Variants in FSHR observed in about 807,000 individuals in gnomAD.
The protein encoded by FSHR is follicle stimulating hormone receptor.
In FSHR, 46 loss-of-function variants were observed where a neutral mutation model predicts 52.1. That is an observed-to-expected ratio of 0.88 (90% CI 0.70 to 1.13). The LOEUF is 1.13. FSHR is among the 50% of genes most tolerant of loss of function. The pLI, the probability that FSHR is intolerant of heterozygous loss-of-function variation, is 0.00. For missense variants in FSHR, 964 were observed against 834.6 expected (o/e 1.16, Z -1.91); for synonymous variants, 399 against 309.6 (o/e 1.29, Z -3.03).
At chr2:49,082,123 G>T (rs956823482) in intron 1 of FSHR, among the ~76,000 whole-genome samples, 1 of 152,192 alleles carries the variant, frequency 6.6e-6, no homozygotes, top group Admixed American at 6.5e-5. Context: ...TTTGAAGAGA[G>T]CAGTGGTTCT....
At chr2:49,042,223 C>T (rs927676318) in intron 2 of FSHR, among the ~76,000 whole-genome samples, 1 of 152,158 alleles carries the variant, frequency 6.6e-6, no homozygotes, top group Non-Finnish European at 1.5e-5. Context: ...CTTTTGAAAA[C>T]TCACCTTCCA....
Position 48,995,660 on chromosome 2 carries a change from T to C in FSHR, c.375-5023A>G, listed in dbSNP as rs563284938. Among the ~76,000 whole-genome samples the C allele has an allele frequency of 9.1e-4, 139 of 152,136 alleles. 1 individual carries two copies. The highest frequency in any genetic ancestry group is 3.1e-3 in the African/African-American group (130 of 41,502). ...AAGGGGAAGCAAGAAGACTTGAGGG[T>C]TCCCTGAGCAGAGCTGGCCCATGTT... is the stretch of plus-strand genomic sequence containing the variant. On this transcript the variant is annotated intron_variant, in intron 4 of 9. Transcript: ENST00000406846.
Position 49,098,362 on chromosome 2 carries a change from G to A in FSHR, c.153-30072C>T, listed in dbSNP as rs555445954. Among the ~76,000 whole-genome samples the A allele has an allele frequency of 7.9e-5, 12 of 152,198 alleles. No homozygotes were observed. In the South Asian group the frequency reaches 2.5e-3, roughly 32 times the overall value. On this transcript the variant is annotated intron_variant, in intron 1 of 9. Transcript: ENST00000406846. ...AAGTAAAGATATAGAAAAACTGAAG[G>A]CTGGACACTTGATTCAATCTTAGAG... is the stretch of plus-strand genomic sequence containing the variant.
At position 49,143,866 on chromosome 2, in the gene FSHR, GACTGGAGGC is replaced by G. The variant is rs1672777477; in HGVS notation, c.152+10391_152+10399del. On this transcript the variant is annotated intron_variant, in intron 1 of 9. Transcript: ENST00000406846. ...CTGCACCATCCCTAAAACACTCAGG[GACTGGAGGC>G]ACTGGTATCTCTAGGAGTGGGGCAG... Among the ~76,000 whole-genome samples the G allele has an allele frequency of 6.6e-5, 10 of 152,222 alleles. No individual in the cohort carries two copies. The South Asian group carries it at 2.1e-3, about 32-fold the overall frequency.
chr2:48,997,889 G>A (rs1351500233), intron 4 of FSHR, among the ~76,000 whole-genome samples: 1 of 152,056 alleles, frequency 6.6e-6, no homozygotes, highest in African/African-American at 2.4e-5. Flanking sequence ...CTTGAGCTCT[G>A]CTGAGAACAT....
chr2:48,986,208 A>G (rs1675508925), intron 6 of FSHR, among the ~76,000 whole-genome samples: 1 of 152,148 alleles, frequency 6.6e-6, no homozygotes, highest in African/African-American at 2.4e-5. Flanking sequence ...CTCTTACAAG[A>G]GTGAACATAT....
intron 1 of FSHR, among the ~76,000 whole-genome samples, chr2:49,130,177 C>G (rs1000873814): frequency 3.9e-4 from 60 of 152,170 alleles, no homozygotes; most frequent in Non-Finnish European, 4.9e-4. Context: ...ATAGAGGGGT[C>G]TGCCCTGATG....
At chr2:49,063,271 G>A (rs907451092) in intron 2 of FSHR, among the ~76,000 whole-genome samples, 1 of 152,102 alleles carries the variant, frequency 6.6e-6, no homozygotes, top group Admixed American at 6.6e-5. Context: ...CTGAGTGTTT[G>A]CAGTAACAAA....
At position 48,963,830 on chromosome 2, in the gene FSHR, T is replaced by C. The variant is rs1280131486; in HGVS notation, c.991A>G (p.Thr331Ala). 6.2e-7 allele frequency: 1 copy of C among 1,614,128 alleles called. No individual in the cohort carries two copies. Among genetic ancestry groups the C allele is most frequent in the African/African-American group, 1.3e-5 (1 of 75,034 alleles). ...TTGCATAAGTCATAGTCAAACTCAG[T>C]GTACGTCATGTCAAATCCTCTGCTG... ...SYSRGFDMTY[T>A]EFDYDLCNEV... Residue 331 changes from threonine to alanine, a missense_variant, in exon 10 of 10, where the codon ACT becomes GCT. Thr to Ala is a moderately conservative substitution (Grantham distance 58). Transcript: ENST00000406846.
chr2:49,079,171 G>A (rs1021294248), intron 1 of FSHR, among the ~76,000 whole-genome samples: 2 of 151,542 alleles, frequency 1.3e-5, no homozygotes, highest in Non-Finnish European at 2.9e-5. Flanking sequence ...ATTAGTCTAA[G>A]AAAAAAACAG....
intron 2 of FSHR, among the ~76,000 whole-genome samples, chr2:49,052,606 A>T (rs932785338): frequency 6.6e-6 from 1 of 152,178 alleles, no homozygotes; most frequent in Admixed American, 6.5e-5. Flanking sequence ...GAACCACTCA[A>T]CGTCATTTCC....
chr2:48,962,785 G>A lies in FSHR; in HGVS notation c.2036C>T (p.Thr679Ile), dbSNP rs756221634. ...GACAAGTATGTAAGTGGAACCACTG[G>A]TGACTCTGGGAGCTGAAGAGCAGTG... ...NGHCSSAPRV[T>I]SGSTYILVPL... The change falls in exon 10 of 10, where the codon ACC becomes ATC. Residue 679 changes from threonine (T) to isoleucine (I), a missense_variant. Coordinates refer to ENST00000406846, the MANE Select transcript of FSHR (RefSeq NM_000145.4). 1.9e-6 allele frequency: 3 copies of A among 1,613,992 alleles called. No individual in the cohort carries two copies. Among genetic ancestry groups the A allele is most frequent in the Non-Finnish European group, 2.5e-6 (3 of 1,179,990 alleles).
intron 2 of FSHR, among the ~76,000 whole-genome samples, chr2:49,054,488 C>G (rs543783955): frequency 2.0e-5 from 3 of 152,264 alleles, no homozygotes; most frequent in African/African-American, 7.2e-5. Flanking sequence ...AGACATACCC[C>G]CAGGCCAGCC....
chr2:49,072,152 A>G (rs907615137), intron 1 of FSHR, among the ~76,000 whole-genome samples: 4 of 152,314 alleles, frequency 2.6e-5, no homozygotes, highest in Middle Eastern at 3.4e-3. Context: ...AGAAATCAGT[A>G]ATAAATATAA....
At chr2:48,975,356 C>T (rs970049568) in intron 8 of FSHR, among the ~76,000 whole-genome samples, 2 of 152,028 alleles carry the variant, frequency 1.3e-5, no homozygotes, top group Non-Finnish European at 2.9e-5. Flanking sequence ...ATCAATTTCC[C>T]TGGTTCTCAG....
At chr2:49,142,783 C>T (rs181440420) in intron 1 of FSHR, among the ~76,000 whole-genome samples, 8 of 152,148 alleles carry the variant, frequency 5.3e-5, no homozygotes, top group South Asian at 4.1e-4. Flanking sequence ...AGGGGAGATA[C>T]GGATAAATGA....
At chr2:49,057,964 A>G (rs1023960668) in intron 2 of FSHR, among the ~76,000 whole-genome samples, 57 of 152,360 alleles carry the variant, frequency 3.7e-4, no homozygotes, top group Non-Finnish European at 1.8e-4. Flanking sequence ...GTAAAATTCA[A>G]CATGCTTTCA....
chr2:49,106,130 ACT>A (rs1177981175), intron 1 of FSHR, among the ~76,000 whole-genome samples: 1 of 152,026 alleles, frequency 6.6e-6, no homozygotes, highest in African/African-American at 2.4e-5. Context: ...TGAAGAGAAG[ACT>A]CTCTACCTGC....
rs752868051 is a variant in FSHR, at chr2:48,963,115, C to G, written c.1706G>C (p.Arg569Thr). ...PNIVSSSSDT[R>T]IAKRMAMLIF... is the part of the protein sequence containing the mutation. ...GAGCATGGCCATGCGCTTGGCGATC[C>G]TGGTGTCACTAGAGGAGGACACGAT... The change falls in exon 10 of 10, where the codon AGG becomes ACG. Residue 569 changes from arginine (R) to threonine (T), a missense_variant. Arg to Thr is a moderately conservative substitution (Grantham distance 71). Coordinates refer to ENST00000406846, the MANE Select transcript of FSHR (RefSeq NM_000145.4). 16 of 1,614,050 alleles carry G rather than the reference C, an allele frequency of 9.9e-6. No homozygotes were observed. Among genetic ancestry groups the G allele is most frequent in the Non-Finnish European group, 1.4e-5 (16 of 1,180,000 alleles).
Sources: gnomAD v4.1 joint callset for allele counts (sites outside exome capture counted in the v4.1 genomes callset) on GRCh38, gnomAD v4.1.1 for gene constraint, MANE v1.5 for transcripts, NCBI Gene and HGNC (gene_info 2026-07-23, HGNC 2026-07-21) for gene names.